EYA1: variants seen among roughly 807,000 people sequenced by gnomAD.
The protein encoded by EYA1 is EYA transcriptional coactivator and phosphatase 1.
EYA1 carries 16 observed loss-of-function variants against 82.0 expected under a neutral mutation model. That is an observed-to-expected ratio of 0.20 (90% CI 0.13 to 0.30). EYA1 has a LOEUF of 0.30. Among genes scored for constraint, EYA1 ranks in the 10% least tolerant of loss-of-function variants. The pLI, the probability that EYA1 is intolerant of heterozygous loss-of-function variation, is 1.00. For missense variants in EYA1, 633 were observed against 730.7 expected (o/e 0.87, Z 1.54); for synonymous variants, 261 against 264.4 (o/e 0.99, Z 0.12).
At position 71,199,276 on chromosome 8, in the gene EYA1, T is replaced by C; in HGVS notation, c.*64A>G. The C allele has an allele frequency of 8.2e-7, 1 of 1,226,868 alleles. No homozygotes were observed. The highest frequency in any genetic ancestry group is 1.2e-6 in the Non-Finnish European group (1 of 848,294). The allele number at this position is 1,226,868 out of a possible 1,614,324, so 76.0% of individuals were successfully genotyped here. The stretch of plus-strand genomic sequence containing the variant: ...CTGGAGGCCGGCGCTGATGCGAGAC[T>C]GGGGCCTGCTGGATCTGTCCCTGGT... On this transcript the variant is annotated 3_prime_UTR_variant, in exon 18 of 18. Transcript: ENST00000340726.
rs560454834 is a variant in EYA1, at chr8:71,405,498, G to C, written c.34-48987C>G. Among the ~76,000 whole-genome samples, 18 of 152,248 alleles carry C rather than the reference G, an allele frequency of 1.2e-4. No individual in the cohort carries two copies. The South Asian group carries it at 3.5e-3, about 30-fold the overall frequency. On this transcript the variant is annotated intron_variant, in intron 2 of 18. Transcript: ENST00000643681. ...ATTTCTTTGTTGCTTCAGTATGTAA[G>C]GCCCTTGATTATAGAGGAAGTTGTT...
At chr8:71,278,864 G>A (rs954817826) in intron 9 of EYA1, among the ~76,000 whole-genome samples, 1 of 152,178 alleles carries the variant, frequency 6.6e-6, no homozygotes, top group Non-Finnish European at 1.5e-5. Context: ...AAAGGAAGTA[G>A]AATACACAAT....
chr8:71,349,734 T>C (rs1253499858), intron 3 of EYA1, among the ~76,000 whole-genome samples: 5 of 152,210 alleles, frequency 3.3e-5, no homozygotes, highest in Non-Finnish European at 7.3e-5. Context: ...AGCTGACTTG[T>C]CTGAGTTCAC....
intron 9 of EYA1, among the ~76,000 whole-genome samples, chr8:71,282,734 T>C (rs1817948571): frequency 6.6e-6 from 1 of 152,186 alleles, no homozygotes. Context: ...TGTTTGCTCC[T>C]ACAGTCCTGG....
At chr8:71,523,166 CT>C (rs1480701153) in intron 2 of EYA1, among the ~76,000 whole-genome samples, 2 of 114,708 alleles carry the variant, frequency 1.7e-5, no homozygotes, top group Admixed American at 1.0e-4. Context: ...TTTTTCTTTT[CT>C]TTTTTCTTTT....
chr8:71,294,314 C>A (rs1243138819), intron 9 of EYA1, among the ~76,000 whole-genome samples: 3 of 151,980 alleles, frequency 2.0e-5, no homozygotes, highest in African/African-American at 7.2e-5. Flanking sequence ...AAAAAATTAG[C>A]CGGGCGTGGT....
chr8:71,427,775 T>C (rs867633558), intron 2 of EYA1, among the ~76,000 whole-genome samples: 7 of 152,078 alleles, frequency 4.6e-5, no homozygotes, highest in African/African-American at 1.7e-4. Context: ...ATCCCAGCAC[T>C]TGGGGAGGCT....
chr8:71,342,812 T>C (rs1825293426), intron 3 of EYA1, among the ~76,000 whole-genome samples: 1 of 152,200 alleles, frequency 6.6e-6, no homozygotes, highest in Non-Finnish European at 1.5e-5. Context: ...CTAGTCTCCA[T>C]AATTTATTTG....
chr8:71,429,538 C>T (rs1177792873), intron 2 of EYA1, among the ~76,000 whole-genome samples: 1 of 151,942 alleles, frequency 6.6e-6, no homozygotes, highest in East Asian at 1.9e-4. Flanking sequence ...GAAATCAATT[C>T]CAGTATGAAA....
intron 4 of EYA1, among the ~76,000 whole-genome samples, chr8:71,327,992 A>G (rs1823365713): frequency 1.3e-5 from 2 of 150,912 alleles, no homozygotes; most frequent in South Asian, 4.2e-4. Context: ...AATAGCTGGG[A>G]TTACAGGTGC....
chr8:71,488,295 G>C (rs967995767), intron 2 of EYA1, among the ~76,000 whole-genome samples: 3 of 151,344 alleles, frequency 2.0e-5, no homozygotes, highest in Non-Finnish European at 2.9e-5. Flanking sequence ...AGGATATAAA[G>C]GATAAATGAT....
chr8:71,295,355 CAAAG>C (rs1220788337), intron 9 of EYA1, among the ~76,000 whole-genome samples: 3 of 152,120 alleles, frequency 2.0e-5, no homozygotes, highest in African/African-American at 4.8e-5. Flanking sequence ...TCAAAATAAA[CAAAG>C]AACTCCTAAA....
intron 7 of EYA1, among the ~76,000 whole-genome samples, chr8:71,316,273 C>A (rs1297554236): frequency 6.6e-6 from 1 of 152,040 alleles, no homozygotes; most frequent in African/African-American, 2.4e-5. Flanking sequence ...AAATTCTATA[C>A]TTAAACTTAT....
At chr8:71,523,379 T>G (rs541830771) in intron 2 of EYA1, among the ~76,000 whole-genome samples, 2 of 151,998 alleles carry the variant, frequency 1.3e-5, no homozygotes, top group African/African-American at 2.4e-5. Flanking sequence ...GGGGTTTCAC[T>G]GTGTTAGCCA....
chr8:71,451,340 G>T (rs1807357215), intron 2 of EYA1, among the ~76,000 whole-genome samples: 1 of 152,112 alleles, frequency 6.6e-6, no homozygotes, highest in Non-Finnish European at 1.5e-5. Context: ...TCTGTGAATG[G>T]ATTAAATATT....
chr8:71,222,791 C>G (rs1810094875), intron 12 of EYA1, among the ~76,000 whole-genome samples: 1 of 152,214 alleles, frequency 6.6e-6, no homozygotes, highest in South Asian at 2.1e-4. Context: ...CCTCAACTCG[C>G]CGTTTCTTCC....
At chr8:71,336,107 T>C (rs1824454913) in intron 3 of EYA1, among the ~76,000 whole-genome samples, 1 of 152,202 alleles carries the variant, frequency 6.6e-6, no homozygotes, top group South Asian at 2.1e-4. Flanking sequence ...CCAAAGGGGT[T>C]AGGAAGTCAC....
At chr8:71,368,852 G>A (rs1220565398) in intron 2 of EYA1, among the ~76,000 whole-genome samples, 1 of 151,792 alleles carries the variant, frequency 6.6e-6, no homozygotes, top group South Asian at 2.1e-4. Context: ...ACCCACGAAT[G>A]ACTTATACGT....
At chr8:71,333,349 T>C (rs1824111312) in intron 4 of EYA1, among the ~76,000 whole-genome samples, 1 of 152,202 alleles carries the variant, frequency 6.6e-6, no homozygotes, top group African/African-American at 2.4e-5. Flanking sequence ...AATCACAACT[T>C]TATGGAATTA....
Sources: gnomAD v4.1 joint callset for allele counts (sites outside exome capture counted in the v4.1 genomes callset) on GRCh38, gnomAD v4.1.1 for gene constraint, MANE v1.5 for transcripts, NCBI Gene and HGNC (gene_info 2026-07-23, HGNC 2026-07-21) for gene names.